The following TNKS variants were observed in gnomAD, a reference collection of about 807,000 sequenced individuals.
TNKS encodes tankyrase.
Under a neutral mutation model 135.8 loss-of-function variants are expected in TNKS, and 72 were observed. That is an observed-to-expected ratio of 0.53 (90% CI 0.44 to 0.64). TNKS has a LOEUF of 0.64. TNKS is among the 30% of genes least tolerant of loss of function. The pLI, the probability that TNKS is intolerant of heterozygous loss-of-function variation, is 0.00. For missense variants in TNKS, 1,769 were observed against 1,674.0 expected (o/e 1.06, Z -0.99); for synonymous variants, 849 against 649.3 (o/e 1.31, Z -4.68).
At chr8:9,682,824 A>T (rs202011817) in intron 5 of TNKS, among the ~76,000 whole-genome samples, 2 of 22,322 alleles carry the variant, frequency 9.0e-5, no homozygotes, top group African/African-American at 2.5e-4. Flanking sequence ...TTATTATATT[A>T]ATTTATTTTG....
intron 1 of TNKS, among the ~76,000 whole-genome samples, chr8:9,569,690 T>A (rs1189740444): frequency 6.6e-6 from 1 of 152,234 alleles, no homozygotes; most frequent in Non-Finnish European, 1.5e-5. Flanking sequence ...AGTTGTTTGA[T>A]AAAAGCAATA....
intron 11 of TNKS, among the ~76,000 whole-genome samples, chr8:9,718,552 G>C (rs1046823330): frequency 6.6e-6 from 1 of 151,988 alleles, no homozygotes; most frequent in African/African-American, 2.4e-5. Context: ...TAAATATTTC[G>C]GGCCAAGTGT....
At chr8:9,596,685 T>C (rs999666479) in intron 2 of TNKS, among the ~76,000 whole-genome samples, 6 of 152,362 alleles carry the variant, frequency 3.9e-5, no homozygotes, top group African/African-American at 9.6e-5. Context: ...ATCTGAAATC[T>C]GAATAACTCT....
intron 5 of TNKS, among the ~76,000 whole-genome samples, chr8:9,696,709 A>C (rs190557896): frequency 6.6e-6 from 1 of 152,192 alleles, no homozygotes; most frequent in South Asian, 2.1e-4. Context: ...AGTAGCCACA[A>C]ATAAAATGAA....
chr8:9,735,033 A>G lies in TNKS; in HGVS notation c.2482A>G (p.Ile828Val), dbSNP rs1454808079. 1 of 1,614,202 alleles carries G rather than the reference A, an allele frequency of 6.2e-7. No homozygotes were observed. The highest frequency in any genetic ancestry group is 8.5e-7 in the Non-Finnish European group (1 of 1,180,034). Residue 828 changes from isoleucine to valine, a missense_variant, in exon 16 of 27, where the codon ATC becomes GTC. Physicochemically the swap from Ile to Val is conservative, Grantham distance 29 (BLOSUM62 3). Transcript: ENST00000310430. ...RVQKLCTPEN[I>V]NCRDTQGRNS... ...GCAGAAGCTCTGTACCCCAGAGAAT[A>G]TCAACTGCAGAGACACCCAGGGCAG...
At chr8:9,645,574 C>T (rs1800890405) in intron 3 of TNKS, among the ~76,000 whole-genome samples, 2 of 152,048 alleles carry the variant, frequency 1.3e-5, no homozygotes, top group South Asian at 4.2e-4. Context: ...GCAGGGACCT[C>T]AGATTCCAGG....
intron 2 of TNKS, among the ~76,000 whole-genome samples, chr8:9,605,602 A>G (rs946599641): frequency 1.3e-5 from 2 of 152,102 alleles, no homozygotes; most frequent in African/African-American, 4.8e-5. Flanking sequence ...TTCATTTGTA[A>G]TGCCCACAAG....
intron 5 of TNKS, among the ~76,000 whole-genome samples, chr8:9,700,761 C>G (rs939290525): frequency 5.3e-5 from 8 of 152,046 alleles, no homozygotes; most frequent in Non-Finnish European, 8.8e-5. Flanking sequence ...CATTTTTTCA[C>G]CGACTTCCTG....
chr8:9,620,215 G>A (rs977592884), intron 3 of TNKS, among the ~76,000 whole-genome samples: 11 of 152,096 alleles, frequency 7.2e-5, no homozygotes, highest in African/African-American at 2.7e-4. Context: ...CCAAAGTGCC[G>A]GGATTACAGG....
chr8:9,654,833 G>A (rs1007554861), intron 3 of TNKS, among the ~76,000 whole-genome samples: 1 of 152,194 alleles, frequency 6.6e-6, no homozygotes, highest in Admixed American at 6.5e-5. Flanking sequence ...CACAGAAGAC[G>A]GGCGATTTCT....
chr8:9,741,364 G>A (rs1202691255), intron 17 of TNKS, among the ~76,000 whole-genome samples: 1 of 152,090 alleles, frequency 6.6e-6, no homozygotes, highest in Non-Finnish European at 1.5e-5. Flanking sequence ...GATCTAGTAA[G>A]GCTTATGTTA....
At chr8:9,630,185 CT>C (rs1800233731) in intron 3 of TNKS, among the ~76,000 whole-genome samples, 1 of 152,174 alleles carries the variant, frequency 6.6e-6, no homozygotes, top group Non-Finnish European at 1.5e-5. Context: ...TCAGTACTGG[CT>C]TCATAACAAG....
intron 20 of TNKS, among the ~76,000 whole-genome samples, chr8:9,757,211 G>A (rs909450261): frequency 3.3e-5 from 5 of 152,028 alleles, no homozygotes; most frequent in Admixed American, 1.3e-4. Flanking sequence ...TCCTGACCCC[G>A]TGATCTGCCC....
intron 20 of TNKS, among the ~76,000 whole-genome samples, chr8:9,755,427 C>T (rs943194061): frequency 1.3e-5 from 2 of 152,140 alleles, no homozygotes; most frequent in Admixed American, 1.3e-4. Context: ...TATTACCAAG[C>T]ACAGTTCTTT....
At chr8:9,763,803 T>TAAAC (rs1159401243) in intron 22 of TNKS, among the ~76,000 whole-genome samples, 5 of 152,290 alleles carry the variant, frequency 3.3e-5, no homozygotes, top group African/African-American at 9.6e-5. Flanking sequence ...GGCTTATGCA[T>TAAAC]AAACAAACAG....
chr8:9,704,023 C>T (rs907214961), intron 5 of TNKS, among the ~76,000 whole-genome samples: 2 of 152,192 alleles, frequency 1.3e-5, no homozygotes, highest in Non-Finnish European at 2.9e-5. Context: ...CTTGTCTTTA[C>T]ACTGTGTATG....
intron 2 of TNKS, among the ~76,000 whole-genome samples, chr8:9,598,727 G>GTGTGTGTGTC (rs1232805577): frequency 4.8e-5 from 6 of 124,260 alleles, no homozygotes; most frequent in African/African-American, 1.9e-4. Context: ...GTGTGTGTGT[G>GTGTGTGTGTC]TGTGTGTCTG....
intron 26 of TNKS, among the ~76,000 whole-genome samples, chr8:9,773,587 C>G (rs566823084): frequency 1.3e-5 from 2 of 152,112 alleles, no homozygotes; most frequent in South Asian, 4.2e-4. Context: ...ATAAGGAATA[C>G]TTAGAAGATA....
intron 23 of TNKS, 35 bp downstream of exon 23, chr8:9,764,825 T>G (rs748855048): frequency 1.3e-6 from 2 of 1,527,172 alleles, no homozygotes; most frequent in African/African-American, 1.4e-5. Context: ...AAAACTGGAT[T>G]GCAAGGCTTG....
Sources: allele counts gnomAD v4.1 joint callset (sites outside exome capture counted in the v4.1 genomes callset), GRCh38; gene constraint gnomAD v4.1.1; transcripts MANE v1.5; gene names NCBI Gene and HGNC (gene_info 2026-07-23, HGNC 2026-07-21).